The following STK32B variants were observed in gnomAD, a reference collection of about 807,000 sequenced individuals.
STK32B encodes serine/threonine-protein kinase 32B.
In STK32B, 43 loss-of-function variants were observed where a neutral mutation model predicts 52.6. That is an observed-to-expected ratio of 0.82 (90% CI 0.64 to 1.05). The LOEUF is 1.05. Among genes scored for constraint, STK32B ranks in the 50% least tolerant of loss-of-function variants. The pLI is 0.00. For synonymous variants in STK32B, 238 were observed against 204.3 expected (o/e 1.17, Z -1.41); for missense variants, 621 against 534.6 (o/e 1.16, Z -1.59).
At position 5,446,701 on chromosome 4, in the gene STK32B, C is replaced by T; in HGVS notation, c.591C>T (p.Asp197=). The T allele has an allele frequency of 1.9e-6, 3 of 1,614,088 alleles. No homozygotes were observed. The highest frequency in any genetic ancestry group is 1.3e-5 in the African/African-American group (1 of 75,026). Residue 197 remains aspartate, a synonymous_variant, in exon 7 of 12, where the codon GAC becomes GAT. Transcript: ENST00000282908. The part of the protein sequence containing the change: ...MAPEVFQVYM[D]RGPGYSYPVD... ...CAGAAGTATTCCAGGTGTACATGGA[C>T]AGAGGCCCCGGATACTCGTACCCTG... is the stretch of plus-strand genomic sequence containing the variant.
At chr4:5,158,984 A>G (rs1259387558) in intron 2 of STK32B, among the ~76,000 whole-genome samples, 2 of 152,178 alleles carry the variant, frequency 1.3e-5, no homozygotes, top group Admixed American at 6.5e-5. Flanking sequence ...CATTCAAGCC[A>G]TCTGTCACCT....
At chr4:5,124,417 C>G (rs1298833361) in intron 1 of STK32B, among the ~76,000 whole-genome samples, 1 of 152,176 alleles carries the variant, frequency 6.6e-6, no homozygotes, top group South Asian at 2.1e-4. Context: ...CTGAGAGTCC[C>G]TCTCTTCTCC....
At chr4:5,376,393 C>G (rs1735588308) in intron 4 of STK32B, among the ~76,000 whole-genome samples, 1 of 151,922 alleles carries the variant, frequency 6.6e-6, no homozygotes, top group Non-Finnish European at 1.5e-5. Flanking sequence ...GACACTTTCT[C>G]TCTCTCTCTT....
chr4:5,230,832 G>GA (rs1384333348), intron 3 of STK32B, among the ~76,000 whole-genome samples: 2 of 152,202 alleles, frequency 1.3e-5, no homozygotes, highest in South Asian at 2.1e-4. Context: ...CCCAGAACAA[G>GA]AGGGGGTAAG....
intron 1 of STK32B, among the ~76,000 whole-genome samples, chr4:5,073,587 A>G (rs1446174332): frequency 1.3e-5 from 2 of 151,952 alleles, no homozygotes; most frequent in African/African-American, 2.4e-5. Flanking sequence ...ATTACTTCCT[A>G]TGGATTCAAA....
chr4:5,310,089 C>T (rs1730190635), intron 3 of STK32B, among the ~76,000 whole-genome samples: 1 of 152,076 alleles, frequency 6.6e-6, no homozygotes, highest in South Asian at 2.1e-4. Flanking sequence ...TCGCTTGAAC[C>T]CAGGAGGCGG....
chr4:5,284,780 G>A (rs1389742355), intron 3 of STK32B, among the ~76,000 whole-genome samples: 1 of 152,150 alleles, frequency 6.6e-6, no homozygotes, highest in Non-Finnish European at 1.5e-5. Flanking sequence ...CATCTTTCCA[G>A]TAAATTGCGT....
intron 3 of STK32B, among the ~76,000 whole-genome samples, chr4:5,204,910 G>A (rs1182002609): frequency 2.0e-5 from 3 of 152,194 alleles, no homozygotes; most frequent in Non-Finnish European, 2.9e-5. Flanking sequence ...CTGGTCTACA[G>A]ATTGCTGCAA....
the STK32B span, among the ~76,000 whole-genome samples, chr4:5,032,476 C>CAAAAAAAAAAAAAAAAAAAAA: frequency 2.0e-5 from 1 of 49,696 alleles, no homozygotes. Flanking sequence ...GACTCCATCT[C>CAAAAAAAAAAAAAAAAAAAAA]AAAAAAAAAA....
chr4:5,049,582 C>T (rs1486739311), upstream of STK32B, among the ~76,000 whole-genome samples: 1 of 152,066 alleles, frequency 6.6e-6, no homozygotes, highest in East Asian at 1.9e-4. Flanking sequence ...AGCTTCTGAG[C>T]CAGGAGAAGG....
intron 3 of STK32B, among the ~76,000 whole-genome samples, chr4:5,302,637 A>T (rs1419459966): frequency 6.6e-6 from 1 of 151,964 alleles, no homozygotes; most frequent in East Asian, 1.9e-4. Flanking sequence ...GGTTTTGGGG[A>T]AACAGTTAGT....
chr4:5,099,458 G>A (rs1577067223), intron 1 of STK32B, among the ~76,000 whole-genome samples: 1 of 77,842 alleles, frequency 1.3e-5, no homozygotes, highest in Non-Finnish European at 3.9e-5. Flanking sequence ...GTGCGCGCGC[G>A]CGTATGTGAT....
chr4:5,433,614 C>T (rs970284320), intron 6 of STK32B, among the ~76,000 whole-genome samples: 2 of 152,162 alleles, frequency 1.3e-5, no homozygotes, highest in East Asian at 3.9e-4. Context: ...TGAAGGCCCC[C>T]TCTAGGCCAA....
intron 3 of STK32B, among the ~76,000 whole-genome samples, chr4:5,246,577 A>G (rs1049258322): frequency 5.3e-5 from 8 of 152,086 alleles, no homozygotes. Flanking sequence ...TCAACTTGTC[A>G]TAGTCATTCT....
chr4:5,262,243 A>C (rs2108846074), intron 3 of STK32B, among the ~76,000 whole-genome samples: 1 of 152,220 alleles, frequency 6.6e-6, no homozygotes, highest in Non-Finnish European at 1.5e-5. Flanking sequence ...GGCAGGCATA[A>C]TTTTAGAATG....
chr4:5,303,782 A>T (rs61627957), intron 3 of STK32B, among the ~76,000 whole-genome samples: 1 of 152,034 alleles, frequency 6.6e-6, no homozygotes, highest in Admixed American at 6.6e-5. Context: ...GGATTTTCCA[A>T]TGTTTTCTTC....
At chr4:5,229,592 G>A (rs544455307) in intron 3 of STK32B, among the ~76,000 whole-genome samples, 6 of 152,236 alleles carry the variant, frequency 3.9e-5, no homozygotes, top group East Asian at 1.9e-4. Context: ...GAGGAAGCAC[G>A]TATTTTAGAT....
chr4:5,249,229 T>A (rs936923031), intron 3 of STK32B, among the ~76,000 whole-genome samples: 2 of 152,192 alleles, frequency 1.3e-5, no homozygotes, highest in African/African-American at 4.8e-5. Context: ...ATTAACTCAG[T>A]TCTCAAAAGA....
Position 5,499,263 on chromosome 4 carries a change from G to C in STK32B, c.*180G>C. 1.3e-6 allele frequency: 1 copy of C among 786,014 alleles called. No homozygotes were observed. Among genetic ancestry groups the C allele is most frequent in the Non-Finnish European group, 1.8e-6 (1 of 550,916 alleles). The allele number at this position is 786,014 out of a possible 1,614,324, so 48.7% of individuals were successfully genotyped here. On this transcript the variant is annotated 3_prime_UTR_variant, in exon 12 of 12. Transcript: ENST00000282908. ...CCATCTCCATGACTGATTCACGTGT[G>C]ACCTCAGACAAGTCACGCCCTCTCT...
Sources: allele counts gnomAD v4.1 joint callset (sites outside exome capture counted in the v4.1 genomes callset), GRCh38; gene constraint gnomAD v4.1.1; transcripts MANE v1.5; gene names NCBI Gene and HGNC (gene_info 2026-07-23, HGNC 2026-07-21).